SLC24A3: variants seen among roughly 807,000 people sequenced by gnomAD.
SLC24A3 encodes the protein sodium/potassium/calcium exchanger 3.
SLC24A3 carries 28 observed loss-of-function variants against 75.8 expected under a neutral mutation model. That is an observed-to-expected ratio of 0.37 (90% CI 0.27 to 0.51). The LOEUF (loss-of-function observed/expected upper bound fraction) is 0.51, where lower values mean the gene tolerates loss of function less well. Ranked by LOEUF, SLC24A3 falls within the 20% of genes least tolerant of loss-of-function variation. The probability of loss-of-function intolerance (pLI) is 0.94; values close to 1 mark genes in which losing one functional copy is unlikely to be tolerated. For missense variants in SLC24A3, 663 were observed against 847.8 expected (o/e 0.78, Z 2.71); for synonymous variants, 372 against 334.1 (o/e 1.11, Z -1.24).
chr20:19,551,557 G>T (rs1364359598), intron 3 of SLC24A3, among the ~76,000 whole-genome samples: 1 of 152,120 alleles, frequency 6.6e-6, no homozygotes, highest in Admixed American at 6.5e-5. Context: ...TAAATGCCTT[G>T]GTGGAGTTGC....
chr20:19,532,117 A>G (rs2030312449), intron 3 of SLC24A3, among the ~76,000 whole-genome samples: 1 of 152,202 alleles, frequency 6.6e-6, no homozygotes, highest in Non-Finnish European at 1.5e-5. Flanking sequence ...AGCCTTGAGC[A>G]GTGGACATGT....
intron 9 of SLC24A3, among the ~76,000 whole-genome samples, chr20:19,675,569 G>T (rs2081854594): frequency 6.6e-6 from 1 of 152,196 alleles, no homozygotes; most frequent in African/African-American, 2.4e-5. Flanking sequence ...TTTGTGAGGG[G>T]AGCCATCCAA....
At chr20:19,492,306 C>T (rs1468863828) in intron 2 of SLC24A3, among the ~76,000 whole-genome samples, 1 of 152,232 alleles carries the variant, frequency 6.6e-6, no homozygotes, top group Non-Finnish European at 1.5e-5. Flanking sequence ...AGATTTGTCT[C>T]TGCCACTTAT....
intron 2 of SLC24A3, among the ~76,000 whole-genome samples, chr20:19,455,509 A>G (rs1987562883): frequency 6.6e-6 from 1 of 152,204 alleles, no homozygotes; most frequent in Non-Finnish European, 1.5e-5. Flanking sequence ...TAACCATGGA[A>G]GTATGCTCAG....
intron 7 of SLC24A3, among the ~76,000 whole-genome samples, chr20:19,661,719 T>C (rs2032328783): frequency 6.6e-6 from 1 of 152,184 alleles, no homozygotes; most frequent in Non-Finnish European, 1.5e-5. Flanking sequence ...GGTGACAATT[T>C]ACAGTAAGCA....
At chr20:19,609,158 G>A (rs2031638970) in intron 6 of SLC24A3, among the ~76,000 whole-genome samples, 1 of 152,142 alleles carries the variant, frequency 6.6e-6, no homozygotes, top group African/African-American at 2.4e-5. Flanking sequence ...TGAAACTCTT[G>A]AATGTTTTTC....
intron 2 of SLC24A3, among the ~76,000 whole-genome samples, chr20:19,286,096 C>T (rs554662139): frequency 6.6e-6 from 1 of 152,302 alleles, no homozygotes; most frequent in Admixed American, 6.5e-5. Context: ...GATCATCCCA[C>T]TCTGTCTGGC....
At chr20:19,293,380 G>T (rs1361596310) in intron 2 of SLC24A3, among the ~76,000 whole-genome samples, 1 of 152,114 alleles carries the variant, frequency 6.6e-6, no homozygotes, top group Non-Finnish European at 1.5e-5. Flanking sequence ...TCCTGGCTGG[G>T]CATGGTGGCT....
At chr20:19,285,707 T>G (rs887529205) in intron 2 of SLC24A3, among the ~76,000 whole-genome samples, 2 of 39,466 alleles carry the variant, frequency 5.1e-5, no homozygotes, top group African/African-American at 6.9e-4. Context: ...CTGGAAACAT[T>G]TTTTTTTTTT....
At chr20:19,480,059 G>A (rs1988028461) in intron 2 of SLC24A3, among the ~76,000 whole-genome samples, 1 of 152,190 alleles carries the variant, frequency 6.6e-6, no homozygotes, top group African/African-American at 2.4e-5. Context: ...ATGCATATGA[G>A]GTGCTTAGTG....
At position 19,678,599 on chromosome 20, in the gene SLC24A3, G is replaced by A. The variant is rs1399461065; in HGVS notation, c.768-3259G>A. Among the ~76,000 whole-genome samples the A allele has an allele frequency of 2.5e-4, 34 of 134,216 alleles. 1 individual carries two copies. Among genetic ancestry groups the A allele is most frequent in the South Asian group, 9.5e-4 (4 of 4,200 alleles). 88.1% of individuals were successfully genotyped at this position (134,216 alleles called of 152,430 possible). A position where few individuals can be genotyped will look rare whatever the true frequency, so the allele number is the denominator to read the frequency against. On this transcript the variant is annotated intron_variant, in intron 9 of 16. Coordinates refer to ENST00000328041, the MANE Select transcript of SLC24A3 (RefSeq NM_020689.4). ...CCAGTAGGGGCGGCTGGGCAGAGGC[G>A]CCCCTCACCTCCCGGACGGGGCGGC...
At chr20:19,327,737 G>C (rs1177460767) in intron 2 of SLC24A3, among the ~76,000 whole-genome samples, 1 of 152,144 alleles carries the variant, frequency 6.6e-6, no homozygotes, top group Non-Finnish European at 1.5e-5. Context: ...TCTGATGCAT[G>C]GGTGCATCCT....
intron 2 of SLC24A3, among the ~76,000 whole-genome samples, chr20:19,286,738 T>G (rs1983827942): frequency 6.6e-6 from 1 of 152,228 alleles, no homozygotes; most frequent in Admixed American, 6.5e-5. Context: ...AAATTTTCTA[T>G]TAGCTACATT....
At chr20:19,640,634 C>A (rs546808023) in intron 6 of SLC24A3, among the ~76,000 whole-genome samples, 3 of 152,194 alleles carry the variant, frequency 2.0e-5, no homozygotes, top group Admixed American at 2.0e-4. Context: ...CCTGTAATCC[C>A]AGCTACTCCG....
chr20:19,370,991 C>A (rs189072057), intron 2 of SLC24A3, among the ~76,000 whole-genome samples: 1 of 152,246 alleles, frequency 6.6e-6, no homozygotes, highest in Non-Finnish European at 1.5e-5. Flanking sequence ...CTCACTAGAA[C>A]CTGAGCTTTC....
intron 2 of SLC24A3, among the ~76,000 whole-genome samples, chr20:19,296,927 T>C (rs868120941): frequency 6.6e-6 from 1 of 152,336 alleles, no homozygotes; most frequent in Middle Eastern, 3.4e-3. Context: ...TTTCCAAATA[T>C]TTTTTATCCA....
chr20:19,692,751 T>G (rs1263785581), intron 12 of SLC24A3, among the ~76,000 whole-genome samples: 1 of 152,132 alleles, frequency 6.6e-6, no homozygotes, highest in African/African-American at 2.4e-5. Context: ...CTTCAAATCC[T>G]CTTTGAAGAT....
intron 8 of SLC24A3, among the ~76,000 whole-genome samples, chr20:19,669,362 C>T (rs546335623): frequency 6.6e-6 from 1 of 152,194 alleles, no homozygotes; most frequent in East Asian, 1.9e-4. Flanking sequence ...ATTAGCCAGG[C>T]ATGGTGATGC....
At chr20:19,216,884 T>C (rs1981574993) in intron 1 of SLC24A3, among the ~76,000 whole-genome samples, 1 of 152,220 alleles carries the variant, frequency 6.6e-6, no homozygotes, top group Admixed American at 6.5e-5. Context: ...CCACTACATC[T>C]GGTACCTCAG....
Sources: allele counts gnomAD v4.1 joint callset (sites outside exome capture counted in the v4.1 genomes callset), GRCh38; gene constraint gnomAD v4.1.1; transcripts MANE v1.5; gene names NCBI Gene and HGNC (gene_info 2026-07-23, HGNC 2026-07-21).